The following RBM19 variants were observed in gnomAD, a reference collection of about 807,000 sequenced individuals.
RBM19 encodes probable RNA-binding protein 19.
A neutral mutation model predicts 116.8 loss-of-function variants in RBM19; 94 were observed. The ratio of observed to expected loss-of-function variants is 0.80; its 90% CI spans 0.68 to 0.95. RBM19 has a LOEUF of 0.95. RBM19 is among the 40% of genes least tolerant of loss of function. RBM19 has a pLI of 0.00. For synonymous variants in RBM19, 475 were observed against 494.1 expected, an observed-to-expected ratio of 0.96 and a Z score of 0.51; for missense variants, 1,161 against 1,220.7, an observed-to-expected ratio of 0.95 and a Z score of 0.73.
chr12:113,942,399 C>T lies in RBM19; in HGVS notation c.1662G>A (p.Leu554=), dbSNP rs760586125. The change falls in exon 14 of 24, where the codon CTG becomes CTA. Residue 554 remains leucine, a synonymous_variant. Coordinates refer to ENST00000261741, the MANE Select transcript of RBM19 (RefSeq NM_016196.4). Reference sequence around the variant, plus strand: ...CTTCCTGGACGAGCTGGGTTTCCCCCAGAGCCACGCGCACGGCCACGCTGC... The same window carrying T: ...CTTCCTGGACGAGCTGGGTTTCCCCTAGAGCCACGCGCACGGCCACGCTGC... ...TKGSVAVRVA[L]GETQLVQEVR... 6.2e-7 allele frequency: 1 copy of T among 1,609,334 alleles called. No individual in the cohort carries two copies. Among genetic ancestry groups the T allele is most frequent in the Non-Finnish European group, 8.5e-7 (1 of 1,179,918 alleles).
chr12:113,962,223 C>G lies in RBM19; in HGVS notation c.219+9G>C. 1 of 1,613,846 alleles carries G rather than the reference C, an allele frequency of 6.2e-7. No individual in the cohort carries two copies. On this transcript the variant is annotated intron_variant, in intron 2 of 23. Coordinates refer to ENST00000261741, the MANE Select transcript of RBM19 (RefSeq NM_016196.4). ...CAGGAAGGTAAGGGTGAGACTCCTG[C>G]CCACTCACTGTGATCCGGGATGTGT... is the stretch of plus-strand genomic sequence containing the variant.
rs753240091 is a variant in RBM19, at chr12:113,948,905, C to T, written c.1204G>A (p.Gly402Arg). 8 of 1,614,194 alleles carry T rather than the reference C, an allele frequency of 5.0e-6. No individual in the cohort carries two copies. Among genetic ancestry groups the T allele is most frequent in the East Asian group, 2.2e-5 (1 of 44,874 alleles). The change falls in exon 10 of 24, where the codon GGA (glycine) becomes AGA (arginine). Residue 402 changes from glycine to arginine, a missense_variant. Physicochemically the swap from Gly to Arg is moderately radical, Grantham distance 125 (BLOSUM62 -2). Coordinates refer to ENST00000261741, the MANE Select transcript of RBM19 (RefSeq NM_016196.4). ...NEEEEDLAES[G>R]RLFVRNLPYT... ...GGCAGGTTCCGTACAAAGAGCCTTC[C>T]GGATTCGGCCAGGTCCTCCTCCTCT...
chr12:113,864,672 A>C (rs1878672818), intron 21 of RBM19, among the ~76,000 whole-genome samples: 1 of 152,180 alleles, frequency 6.6e-6, no homozygotes. Context: ...CTATCCCTTC[A>C]TCTATAATGG....
At chr12:113,882,304 C>G (rs1212185596) in intron 21 of RBM19, among the ~76,000 whole-genome samples, 1 of 152,176 alleles carries the variant, frequency 6.6e-6, no homozygotes, top group African/African-American at 2.4e-5. Flanking sequence ...GAGAGTTGTC[C>G]CAAACCTGGC....
intron 5 of RBM19, 75 bp from the exon 6 acceptor site, chr12:113,958,125 GTCC>G (rs148317966): frequency 0.03 from 45,886 of 1,533,728 alleles, 1,988 homozygotes; most frequent in Admixed American, 0.2. Context: ...ATGGTAGATG[GTCC>G]TCCTAGTGAG....
In RBM19 at chr12:113,823,254, G is replaced by T; in HGVS notation, c.2853C>A (p.Ser951Arg). 1.2e-6 allele frequency: 2 copies of T among 1,612,300 alleles called. No individual in the cohort carries two copies. Reference sequence around the variant, plus strand: ...GCTGAAGGGTCTGCTCCTCGCTGTCGCTGTCACTGCCTTCCAGCTGCTCCA... The same window carrying T: ...GCTGAAGGGTCTGCTCCTCGCTGTCTCTGTCACTGCCTTCCAGCTGCTCCA... The part of the protein sequence containing the change: ...EILEQLEGSD[S>R]DSEEQTLQL Residue 951 changes from serine (S) to arginine (R), a missense_variant, in exon 24 of 24, where the codon AGC becomes AGA. Ser to Arg is a moderately radical substitution (Grantham distance 110, BLOSUM62 -1). Transcript: ENST00000261741.
At position 113,918,456 on chromosome 12, in the gene RBM19, G is replaced by A. The variant is rs1251316967; in HGVS notation, c.2386-9C>T. 3 of 1,614,038 alleles carry A rather than the reference G, an allele frequency of 1.9e-6. No homozygotes were observed. The highest frequency in any genetic ancestry group is 2.5e-6 in the Non-Finnish European group (3 of 1,179,928). On this transcript the variant is annotated splice_polypyrimidine_tract_variant and intron_variant, in intron 19 of 23. Transcript: ENST00000261741. ...CCGTCCACGACGTGACCCTAAGAGA[G>A]AAGACAACATGGCTCATCTCTCTGT...
At chr12:113,832,557 G>C (rs971792222) in intron 23 of RBM19, among the ~76,000 whole-genome samples, 7 of 152,098 alleles carry the variant, frequency 4.6e-5, no homozygotes, top group South Asian at 4.1e-4. Context: ...ACCCAGTCTC[G>C]GCCTTTCCTG....
intron 2 of RBM19, among the ~76,000 whole-genome samples, chr12:113,960,430 A>G (rs4767174): frequency 0.34 from 51,413 of 152,168 alleles, 9,351 homozygotes; most frequent in East Asian, 0.57. Context: ...GAGGAACTCC[A>G]CATGCCAGGT....
intron 23 of RBM19, among the ~76,000 whole-genome samples, chr12:113,843,039 C>T (rs543685358): frequency 4.6e-4 from 70 of 152,336 alleles, no homozygotes; most frequent in African/African-American, 1.6e-3. Flanking sequence ...TCCAAGTCCA[C>T]TTGTGGGGGA....
At chr12:113,935,572 G>A (rs1392903322) in intron 16 of RBM19, among the ~76,000 whole-genome samples, 1 of 152,186 alleles carries the variant, frequency 6.6e-6, no homozygotes. Context: ...TGGGTCCTCA[G>A]ATCGCAAAGG....
intron 23 of RBM19, among the ~76,000 whole-genome samples, chr12:113,831,312 A>G (rs1014896032): frequency 1.3e-5 from 2 of 152,168 alleles, no homozygotes; most frequent in Non-Finnish European, 2.9e-5. Flanking sequence ...ATTTGTGGTC[A>G]TGAAGCAGTA....
At chr12:113,890,435 C>T (rs1461905511) in intron 21 of RBM19, among the ~76,000 whole-genome samples, 2 of 152,176 alleles carry the variant, frequency 1.3e-5, no homozygotes, top group Non-Finnish European at 2.9e-5. Flanking sequence ...CGATGGCAGC[C>T]GCTTGCACCT....
intron 9 of RBM19, among the ~76,000 whole-genome samples, chr12:113,949,852 A>T (rs752550175): frequency 6.6e-6 from 1 of 152,136 alleles, no homozygotes; most frequent in Non-Finnish European, 1.5e-5. Context: ...TGGATCACAC[A>T]TTTAACCACC....
intron 21 of RBM19, among the ~76,000 whole-genome samples, chr12:113,894,842 C>A (rs1881211065): frequency 6.6e-6 from 1 of 152,216 alleles, no homozygotes; most frequent in South Asian, 2.1e-4. Context: ...TGGGACACAC[C>A]CTTGTGCGAC....
intron 21 of RBM19, among the ~76,000 whole-genome samples, chr12:113,901,883 T>C (rs1217907093): frequency 6.6e-6 from 1 of 151,958 alleles, no homozygotes; most frequent in African/African-American, 2.4e-5. Context: ...CCGCTGATGA[T>C]AGGCAACTCA....
chr12:113,948,323 C>T (rs888558743), intron 10 of RBM19, among the ~76,000 whole-genome samples: 1 of 152,204 alleles, frequency 6.6e-6, no homozygotes, highest in Non-Finnish European at 1.5e-5. Flanking sequence ...TACAGGCCCT[C>T]AAGCCCATGG....
chr12:113,897,264 G>A (rs1881401921), intron 21 of RBM19, among the ~76,000 whole-genome samples: 1 of 152,214 alleles, frequency 6.6e-6, no homozygotes, highest in Non-Finnish European at 1.5e-5. Context: ...TGCTTCCTGG[G>A]TTCAAGCGAT....
intron 23 of RBM19, among the ~76,000 whole-genome samples, chr12:113,831,490 C>T (rs532310913): frequency 2.0e-5 from 3 of 152,268 alleles, no homozygotes; most frequent in East Asian, 1.9e-4. Flanking sequence ...CCCAAACCCT[C>T]GTCCAATCCC....
Sources: gnomAD v4.1 joint callset for allele counts (sites outside exome capture counted in the v4.1 genomes callset) on GRCh38, gnomAD v4.1.1 for gene constraint, MANE v1.5 for transcripts, NCBI Gene and HGNC (gene_info 2026-07-23, HGNC 2026-07-21) for gene names.